The following CKAP2 variants were observed in gnomAD, a reference collection of about 807,000 sequenced individuals.
CKAP2 encodes cytoskeleton associated protein 2.
Under a neutral mutation model 58.4 loss-of-function variants are expected in CKAP2, and 46 were observed. That is an observed-to-expected ratio of 0.79 (90% CI 0.62 to 1.01). The LOEUF is 1.01. Ranked by LOEUF, CKAP2 falls within the 50% of genes least tolerant of loss-of-function variation. The probability of loss-of-function intolerance (pLI) is 0.00; values close to 1 mark genes in which losing one functional copy is unlikely to be tolerated. For missense variants in CKAP2, 809 were observed against 796.4 expected (o/e 1.02, Z -0.19); for synonymous variants, 293 against 280.9 (o/e 1.04, Z -0.43).
chr13:52,459,719 ATT>A (rs1958540435), intron 2 of CKAP2, among the ~76,000 whole-genome samples: 1 of 151,812 alleles, frequency 6.6e-6, no homozygotes, highest in Admixed American at 6.6e-5. Flanking sequence ...AATTGACCGT[ATT>A]TTTTCCTATC....
chr13:52,462,581 A>C lies in CKAP2; in HGVS notation c.1305+14A>C. 1 of 1,596,560 alleles carries C rather than the reference A, an allele frequency of 6.3e-7. No homozygotes were observed. Among genetic ancestry groups the C allele is most frequent in the Non-Finnish European group, 8.5e-7 (1 of 1,170,882 alleles). On this transcript the variant is annotated intron_variant, in intron 5 of 8. Coordinates refer to ENST00000258607, the MANE Select transcript of CKAP2 (RefSeq NM_018204.5). ...TTGATTAATGAGGTAGAGTCTTTAT[A>C]TTTGCTTAGCATTTTATAGTTTGCA...
rs144431404 is a variant in CKAP2 at position 52,461,604 on chromosome 13, C to T, written c.778C>T (p.His260Tyr). 4.5e-4 allele frequency: 729 copies of T among 1,614,142 alleles called. 4 individuals are homozygous for T. The African/African-American group carries it at 7.2e-3, about 16-fold the overall frequency. ...TGTGCGACCTCCTATTAGAAGTCAT[C>T]ACAGTAATACCCGGGACACTGTGAA... is the stretch of plus-strand genomic sequence containing the variant. ...QLVRPPIRSH[H>Y]SNTRDTVKQG... The change falls in exon 4 of 9, where the codon CAC becomes TAC. Residue 260 changes from histidine (H) to tyrosine (Y), a missense_variant. By Grantham distance (83) the His-to-Tyr change is moderately conservative. Around this residue, in one of 3 missense-constraint regions of CKAP2, gnomAD observed 523 missense variants for 492.4 expected, o/e 1.06. Coordinates refer to ENST00000258607, the MANE Select transcript of CKAP2 (RefSeq NM_018204.5).
At chr13:52,464,137 T>C (rs190058347) in intron 5 of CKAP2, among the ~76,000 whole-genome samples, 51 of 152,352 alleles carry the variant, frequency 3.3e-4, no homozygotes, top group Admixed American at 3.1e-3. Flanking sequence ...CTTACATCTA[T>C]TCATTATATT....
rs774602585 is a variant in CKAP2, at chr13:52,455,587, C to T, written c.31C>T (p.Gln11Ter). Reference protein sequence around the residue: MSTPAVPQDLQLPPSQRAQSA... With the variant: MSTPAVPQDL Reference sequence around the variant, plus strand: ...CACACCGGCCGTGCCCCAGGACCTGCAGCTGCCCCCGAGTCAGAGGGCGCA... The same window carrying T: ...CACACCGGCCGTGCCCCAGGACCTGTAGCTGCCCCCGAGTCAGAGGGCGCA... The change falls in exon 1 of 9, where the codon CAG becomes TAG. Residue 11 changes from glutamine (Q) to a stop codon, truncating the protein, a stop_gained. Transcript: ENST00000258607. LOFTEE classifies it high-confidence loss of function. 6.2e-7 allele frequency: 1 copy of T among 1,612,174 alleles called. No homozygotes were observed. The highest frequency in any genetic ancestry group is 8.5e-7 in the Non-Finnish European group (1 of 1,179,518).
chr13:52,461,474 A>G lies in CKAP2; in HGVS notation c.648A>G (p.Lys216=), dbSNP rs763999819. 6.2e-7 allele frequency: 1 copy of G among 1,614,140 alleles called. No individual in the cohort carries two copies. Among genetic ancestry groups the G allele is most frequent in the Non-Finnish European group, 8.5e-7 (1 of 1,180,022 alleles). ...CAGCCACTATACCTAAAGCCACAAA[A>G]CCTCAGCCTGTAAACACCAGCAGTG... ...KLSATIPKAT[K]PQPVNTSSVT... is the part of the protein sequence containing the mutation. The change falls in exon 4 of 9, where the codon AAA becomes AAG. Residue 216 remains lysine (K), a synonymous_variant. Coordinates refer to ENST00000258607, the MANE Select transcript of CKAP2 (RefSeq NM_018204.5).
At chr13:52,467,221 T>A (rs550214954) in intron 6 of CKAP2, among the ~76,000 whole-genome samples, 1 of 151,634 alleles carries the variant, frequency 6.6e-6, no homozygotes, top group African/African-American at 2.4e-5. Flanking sequence ...TTGTGTTGGG[T>A]GGAACATAGC....
chr13:52,468,325 G>A lies in CKAP2; in HGVS notation c.1524G>A (p.Lys508=). 1 of 1,599,038 alleles carries A rather than the reference G, an allele frequency of 6.3e-7. No individual in the cohort carries two copies. The highest frequency in any genetic ancestry group is 2.2e-5 in the East Asian group (1 of 44,648). Residue 508 remains lysine, a synonymous_variant, in exon 7 of 9, where the codon AAG becomes AAA. Coordinates refer to ENST00000258607, the MANE Select transcript of CKAP2 (RefSeq NM_018204.5). The part of the protein sequence containing the change: ...RHTIVDILTM[K]SQEKANLGEN... Reference sequence around the variant, plus strand: ...CGATTGTAGATATTCTAACAATGAAGAGTCAAGAAAAAGCTAATTTAGGTA... The same window carrying A: ...CGATTGTAGATATTCTAACAATGAAAAGTCAAGAAAAAGCTAATTTAGGTA...
chr13:52,456,981 C>T (rs1958495047), intron 2 of CKAP2, among the ~76,000 whole-genome samples: 2 of 152,058 alleles, frequency 1.3e-5, no homozygotes, highest in South Asian at 4.1e-4. Context: ...CAGCCTCCAC[C>T]TTCTGGGTTC....
At chr13:52,464,776 A>T (rs1383094591) in intron 5 of CKAP2, among the ~76,000 whole-genome samples, 1 of 152,172 alleles carries the variant, frequency 6.6e-6, no homozygotes, top group Non-Finnish European at 1.5e-5. Flanking sequence ...GCAAAACTGA[A>T]TTCAAGGTAT....
In CKAP2 at chr13:52,455,635, CGCGGTGGCGGTGGCGGTG is replaced by C. The variant is rs72440971; in HGVS notation, c.70+32_70+49del. On this transcript the variant is annotated intron_variant, in intron 1 of 8. Transcript: ENST00000258607. ...GCAGTCCGCATTCAAAGGTGAAGGC[CGCGGTGGCGGTGGCGGTG>C]GCGGTGGCGGTGGCGGTGGCGGGCG... 836,155 of 1,562,104 alleles carry C rather than the reference CGCGGTGGCGGTGGCGGTG, an allele frequency of 0.54. 231,262 individuals carry two copies. Among genetic ancestry groups the C allele is most frequent in the East Asian group, 0.66 (26,191 of 39,420 alleles).
chr13:52,459,381 G>A (rs536786001), intron 2 of CKAP2, among the ~76,000 whole-genome samples: 1 of 152,124 alleles, frequency 6.6e-6, no homozygotes, highest in African/African-American at 2.4e-5. Context: ...ATAGTGCAGT[G>A]GCGCGATCTC....
chr13:52,462,015 A>AT, intron 4 of CKAP2, 89 bp downstream of exon 4: 1 of 1,230,806 alleles, frequency 8.1e-7, no homozygotes, highest in South Asian at 1.8e-5. Context: ...CTGCATTAGA[A>AT]TTTTCTTTCA....
intron 2 of CKAP2, among the ~76,000 whole-genome samples, chr13:52,457,317 C>G (rs1372814318): frequency 6.6e-6 from 1 of 152,172 alleles, no homozygotes; most frequent in Non-Finnish European, 1.5e-5. Flanking sequence ...GTCAGTCTTT[C>G]TATTATTTAG....
rs1466211888 is a variant in CKAP2 at position 52,469,595 on chromosome 13, TTA to T, written c.1546+1250_1546+1251del. ...AAATAATATTTATTTATTTATTTAT[TTA>T]TTTTTTTTTTGAGACGGAGTCTCGC... is the stretch of plus-strand genomic sequence containing the variant. On this transcript the variant is annotated intron_variant, in intron 7 of 8. Coordinates refer to ENST00000258607, the MANE Select transcript of CKAP2 (RefSeq NM_018204.5). 3.3e-3 allele frequency among the ~76,000 whole-genome samples: 474 copies of T among 144,574 alleles called. 3 individuals carry two copies. Among genetic ancestry groups the T allele is most frequent in the African/African-American group, 8.8e-3 (346 of 39,358 alleles). The allele number at this position is 144,574 out of a possible 152,430, so 94.8% of individuals were successfully genotyped here.
At position 52,455,499 on chromosome 13, in the gene CKAP2, C is replaced by T; in HGVS notation, c.-58C>T. The T allele has an allele frequency of 6.2e-7, 1 of 1,602,502 alleles. No homozygotes were observed. The highest frequency in any genetic ancestry group is 8.5e-7 in the Non-Finnish European group (1 of 1,170,654). ...CGGTGCAGACTGCGGCGGCGGTGGTCTGAGGAAGTTCTATCTTGGCGCTAA... is the reference window on the plus strand; with the variant it reads ...CGGTGCAGACTGCGGCGGCGGTGGTTTGAGGAAGTTCTATCTTGGCGCTAA... On this transcript the variant is annotated 5_prime_UTR_variant, in exon 1 of 9. Transcript: ENST00000258607.
chr13:52,461,618 G>A lies in CKAP2; in HGVS notation c.792G>A (p.Arg264=). 6.2e-7 allele frequency: 1 copy of A among 1,613,882 alleles called. No homozygotes were observed. The highest frequency in any genetic ancestry group is 1.1e-5 in the South Asian group (1 of 91,070). The change falls in exon 4 of 9, where the codon CGG becomes CGA. Residue 264 remains arginine, a synonymous_variant. Transcript: ENST00000258607. ...PPIRSHHSNT[R]DTVKQGISRT... ...TTAGAAGTCATCACAGTAATACCCG[G>A]GACACTGTGAAACAAGGCATCAGTA...
At chr13:52,469,038 G>C (rs779260108) in intron 7 of CKAP2, among the ~76,000 whole-genome samples, 7 of 152,124 alleles carry the variant, frequency 4.6e-5, no homozygotes, top group South Asian at 2.1e-4. Flanking sequence ...GCCAGCATCT[G>C]CTATTTCTTT....
At chr13:52,455,910 G>A (rs1261036557) in intron 1 of CKAP2, 3 of 1,145,976 alleles carry the variant, frequency 2.6e-6, no homozygotes, top group South Asian at 3.3e-5. Context: ...CCTCAGGCCG[G>A]GGTCGGTGTC....
At position 52,472,303 on chromosome 13, in the gene CKAP2, G is replaced by T. The variant is rs80021335; in HGVS notation, c.1547-1526G>T. On this transcript the variant is annotated intron_variant, in intron 7 of 8. Transcript: ENST00000258607. Reference sequence around the variant, plus strand: ...AACTCAGTAGATAAGGACAGTGTCTGATGTTCCTGACCATTGAGTCTCCTG... The same window carrying T: ...AACTCAGTAGATAAGGACAGTGTCTTATGTTCCTGACCATTGAGTCTCCTG... Among the ~76,000 whole-genome samples the T allele has an allele frequency of 4.1e-3, 626 of 152,306 alleles. 8 individuals carry two copies. Among genetic ancestry groups the T allele is most frequent in the African/African-American group, 0.014 (599 of 41,560 alleles).
Sources: gnomAD v4.1 joint callset for allele counts (sites outside exome capture counted in the v4.1 genomes callset) on GRCh38, gnomAD v4.1.1 for gene constraint, gnomAD v4.1.1 regional missense constraint, MANE v1.5 for transcripts, NCBI Gene and HGNC (gene_info 2026-07-23, HGNC 2026-07-21) for gene names.